NFIB: variants seen among roughly 807,000 people sequenced by gnomAD.
The protein encoded by NFIB is nuclear factor 1 B-type.
A neutral mutation model predicts 61.5 loss-of-function variants in NFIB; 11 were observed. The ratio of observed to expected loss-of-function variants is 0.18; its 90% confidence interval spans 0.11 to 0.30. The LOEUF is 0.30. Among genes scored for constraint, NFIB ranks in the 10% least tolerant of loss-of-function variants. The pLI, the probability that NFIB is intolerant of heterozygous loss-of-function variation, is 1.00. For synonymous variants in NFIB, 260 were observed against 216.5 expected, an observed-to-expected ratio of 1.20 and a Z score of -1.76; for missense variants, 471 against 608.9, an observed-to-expected ratio of 0.77 and a Z score of 2.38.
chr9:14,095,229 A>T (rs2034588837), intron 10 of NFIB, among the ~76,000 whole-genome samples: 3 of 152,190 alleles, frequency 2.0e-5, no homozygotes, highest in Non-Finnish European at 2.9e-5. Flanking sequence ...TTATAAAAAA[A>T]TTGTTTGATC....
intron 2 of NFIB, among the ~76,000 whole-genome samples, chr9:14,187,400 T>C (rs2047497413): frequency 6.6e-6 from 1 of 152,160 alleles, no homozygotes; most frequent in South Asian, 2.1e-4. Context: ...CTATTTCAAG[T>C]ATGAAGACCT....
chr9:14,325,785 TA>T lies in NFIB; in HGVS notation c.109-18266del, dbSNP rs1423665141. Among the ~76,000 whole-genome samples, 2 of 152,074 alleles carry T rather than the reference TA, an allele frequency of 1.3e-5. 1 individual carries two copies. The highest frequency in any genetic ancestry group is 2.9e-5 in the Non-Finnish European group (2 of 67,948). On this transcript the variant is annotated intron_variant, in intron 1 of 8. Coordinates refer to the NFIB transcript ENST00000380934. ...GGCATATTTAGGATGCAATACTAAA[TA>T]AAACATATACCATCTTTTAAAACAA...
At chr9:14,225,365 G>A (rs1389464196) in intron 2 of NFIB, among the ~76,000 whole-genome samples, 1 of 149,468 alleles carries the variant, frequency 6.7e-6, no homozygotes, top group African/African-American at 2.5e-5. Context: ...GCTGAGGCAG[G>A]AGAATGGCGT....
At chr9:14,153,161 T>G (rs972734125) in intron 4 of NFIB, among the ~76,000 whole-genome samples, 9 of 152,276 alleles carry the variant, frequency 5.9e-5, no homozygotes, top group African/African-American at 2.2e-4. Context: ...ACACATATTA[T>G]GTTTTAATTT....
the NFIB span, among the ~76,000 whole-genome samples, chr9:14,467,065 C>T: frequency 2.0e-5 from 3 of 152,294 alleles, 1 homozygote; most frequent in South Asian, 6.2e-4. Flanking sequence ...CAGCAAAAGT[C>T]AGGCTTCGCT....
the NFIB span, among the ~76,000 whole-genome samples, chr9:14,432,436 G>A: frequency 6.6e-6 from 1 of 152,338 alleles, no homozygotes; most frequent in South Asian, 2.1e-4. Flanking sequence ...AGTACATGTT[G>A]TTTCTTTAGC....
chr9:14,478,587 T>A, the NFIB span, among the ~76,000 whole-genome samples: 1 of 152,196 alleles, frequency 6.6e-6, no homozygotes, highest in African/African-American at 2.4e-5. Context: ...ATAATACATA[T>A]TATTACGCAA....
the NFIB span, among the ~76,000 whole-genome samples, chr9:14,427,230 T>C: frequency 6.6e-6 from 1 of 152,190 alleles, no homozygotes; most frequent in African/African-American, 2.4e-5. Flanking sequence ...TCTTATACTC[T>C]CTTTACTCAT....
chr9:14,139,457 C>G (rs2041445611), intron 6 of NFIB, among the ~76,000 whole-genome samples: 3 of 152,180 alleles, frequency 2.0e-5, no homozygotes, highest in South Asian at 4.1e-4. Flanking sequence ...GTATGGCACA[C>G]TATGACATTA....
intron 6 of NFIB, 102 bp from the exon 7 acceptor site, chr9:14,125,868 T>G: frequency 6.8e-7 from 1 of 1,466,214 alleles, no homozygotes; most frequent in East Asian, 2.3e-5. Flanking sequence ...TTAGTATTCT[T>G]ATACTTTGGC....
At chr9:14,147,188 C>T (rs142899062) in intron 5 of NFIB, among the ~76,000 whole-genome samples, 3 of 152,086 alleles carry the variant, frequency 2.0e-5, no homozygotes, top group African/African-American at 7.2e-5. Context: ...CTTTTAATAG[C>T]ACTTGTCATT....
chr9:14,299,852 T>C (rs1001277833), intron 2 of NFIB, among the ~76,000 whole-genome samples: 1 of 152,162 alleles, frequency 6.6e-6, no homozygotes, highest in Admixed American at 6.5e-5. Flanking sequence ...AACAATTAAA[T>C]TTTGAAGGTT....
chr9:14,503,322 G>A, the NFIB span, among the ~76,000 whole-genome samples: 3 of 152,030 alleles, frequency 2.0e-5, no homozygotes, highest in South Asian at 2.1e-4. Context: ...TGGGATTGCC[G>A]GATCAAATGG....
At chr9:14,275,971 C>G (rs2057968802) in intron 2 of NFIB, among the ~76,000 whole-genome samples, 2 of 151,802 alleles carry the variant, frequency 1.3e-5, no homozygotes, top group Admixed American at 1.3e-4. Context: ...TACCCTTAAC[C>G]AAAAATGAAG....
chr9:14,351,475 C>T (rs1201779369), intron 1 of NFIB, among the ~76,000 whole-genome samples: 1 of 152,170 alleles, frequency 6.6e-6, no homozygotes, highest in African/African-American at 2.4e-5. Flanking sequence ...GGGCATCTCC[C>T]CTGTCAGGAA....
the NFIB span, among the ~76,000 whole-genome samples, chr9:14,498,914 G>A: frequency 6.6e-6 from 1 of 151,930 alleles, no homozygotes; most frequent in East Asian, 1.9e-4. Context: ...GAGCACTGGA[G>A]ATTAAGTGAT....
chr9:14,446,172 T>C, the NFIB span, among the ~76,000 whole-genome samples: 2 of 152,174 alleles, frequency 1.3e-5, no homozygotes, highest in Non-Finnish European at 2.9e-5. Flanking sequence ...TTGATTTTGG[T>C]TTTGTTTGTA....
chr9:14,170,200 A>AT (rs1462673537), intron 3 of NFIB, among the ~76,000 whole-genome samples: 12 of 152,216 alleles, frequency 7.9e-5, no homozygotes, highest in Non-Finnish European at 2.9e-5. Context: ...TATTTGTGAT[A>AT]CAAAACAATC....
intron 9 of NFIB, 110 bp from the exon 10 acceptor site, chr9:14,113,191 A>G: frequency 2.5e-6 from 2 of 800,088 alleles, no homozygotes; most frequent in Non-Finnish European, 1.9e-6. Context: ...AAAAAAAAAA[A>G]GTGTCTTCAT....
Sources: gnomAD v4.1 joint callset for allele counts (sites outside exome capture counted in the v4.1 genomes callset) on GRCh38, gnomAD v4.1.1 for gene constraint, MANE v1.5 for transcripts, NCBI Gene and HGNC (gene_info 2026-07-23, HGNC 2026-07-21) for gene names.